Variants in RNF220 observed in about 807,000 individuals in gnomAD.
The protein encoded by RNF220 is E3 ubiquitin-protein ligase RNF220.
In RNF220, 7 loss-of-function variants were observed where a neutral mutation model predicts 67.1. The ratio of observed to expected loss-of-function variants is 0.10; its 90% CI spans 0.06 to 0.20. The LOEUF is 0.20. Among genes scored for constraint, RNF220 ranks in the 10% least tolerant of loss-of-function variants. The probability of loss-of-function intolerance (pLI) is 1.00; values close to 1 mark genes in which losing one functional copy is unlikely to be tolerated. For missense variants in RNF220, 565 were observed against 740.3 expected (o/e 0.76, Z 2.75); for synonymous variants, 270 against 283.2 (o/e 0.95, Z 0.47).
Position 44,594,381 on chromosome 1 carries a change from C to T in RNF220, c.626-19784C>T, listed in dbSNP as rs148836288. 5.9e-5 allele frequency among the ~76,000 whole-genome samples: 9 copies of T among 152,312 alleles called. No individual in the cohort carries two copies. The East Asian group carries it at 1.5e-3, about 26-fold the overall frequency. Reference sequence around the variant, plus strand: ...GGACATGCTTCCTCCCAGCCTTCCCCACGTCCCAGGAAGTGGAGCCCATCG... The same window carrying T: ...GGACATGCTTCCTCCCAGCCTTCCCTACGTCCCAGGAAGTGGAGCCCATCG... On this transcript the variant is annotated intron_variant, in intron 2 of 14. Coordinates refer to ENST00000361799, the MANE Select transcript of RNF220 (RefSeq NM_018150.4).
In RNF220 at chr1:44,622,055, G is replaced by T. The variant is rs1479263467; in HGVS notation, c.759-687G>T. Among the ~76,000 whole-genome samples, 2 of 152,192 alleles carry T rather than the reference G, an allele frequency of 1.3e-5. No individual in the cohort carries two copies. Among genetic ancestry groups the T allele is most frequent in the African/African-American group, 4.8e-5 (2 of 41,438 alleles). On this transcript the variant is annotated intron_variant, in intron 3 of 14. Coordinates refer to ENST00000361799, the MANE Select transcript of RNF220 (RefSeq NM_018150.4). The surrounding 1 kb of genome is among the most constrained non-coding windows in gnomAD (Gnocchi z 4.3). ...CCATTGTCAGCATCTGTTTAGCAGG[G>T]ATTTGTAATACTTTGTGGCTCTGGA... is the stretch of plus-strand genomic sequence containing the variant.
intron 2 of RNF220, among the ~76,000 whole-genome samples, chr1:44,532,117 T>C (rs1001733289): frequency 3.3e-5 from 5 of 152,208 alleles, no homozygotes. Context: ...GTACGCTCTT[T>C]ATGGTTTACA....
chr1:44,581,166 C>T (rs567757242), intron 2 of RNF220, among the ~76,000 whole-genome samples: 2 of 152,192 alleles, frequency 1.3e-5, no homozygotes, highest in African/African-American at 4.8e-5. Context: ...TCTCATCATA[C>T]GGACTCTGCA....
At chr1:44,411,155 CTT>C (rs913289316) in intron 1 of RNF220, among the ~76,000 whole-genome samples, 1 of 152,206 alleles carries the variant, frequency 6.6e-6, no homozygotes, top group African/African-American at 2.4e-5. Flanking sequence ...CCGATCTGTT[CTT>C]TGCTGCCCTT....
intron 2 of RNF220, among the ~76,000 whole-genome samples, chr1:44,569,297 A>T (rs1043329165): frequency 2.6e-5 from 4 of 152,208 alleles, no homozygotes; most frequent in Non-Finnish European, 5.9e-5. Context: ...AAATCGCCTC[A>T]TTCATAATTT....
chr1:44,616,480 C>T (rs191236312), intron 3 of RNF220, among the ~76,000 whole-genome samples: 25 of 152,230 alleles, frequency 1.6e-4, no homozygotes, highest in African/African-American at 5.1e-4. Flanking sequence ...AACTGAGGTG[C>T]AGAGGAGTTA....
chr1:44,415,500 G>GAT (rs10642792), intron 2 of RNF220, among the ~76,000 whole-genome samples: 125,737 of 149,860 alleles, frequency 0.84, 53,722 homozygotes, highest in Middle Eastern at 0.95. Context: ...ATATATGGTT[G>GAT]ATATACACAC....
chr1:44,501,689 ACTC>A (rs1657896739), intron 2 of RNF220, among the ~76,000 whole-genome samples: 1 of 151,778 alleles, frequency 6.6e-6, no homozygotes, highest in African/African-American at 2.4e-5. Context: ...CTCCGTTTCT[ACTC>A]CACCCAAGCA....
chr1:44,451,116 G>T (rs749050501), intron 2 of RNF220, among the ~76,000 whole-genome samples: 20 of 152,086 alleles, frequency 1.3e-4, no homozygotes, highest in South Asian at 4.2e-4. Context: ...CTGGGAGGTG[G>T]AGGTTGCAGT....
intron 2 of RNF220, among the ~76,000 whole-genome samples, chr1:44,609,683 C>T (rs569614054): frequency 2.0e-5 from 3 of 152,238 alleles, no homozygotes; most frequent in African/African-American, 7.2e-5. Flanking sequence ...TGTTTCGAGG[C>T]GAGAGGGCTG....
At chr1:44,490,054 C>G (rs1051921840) in intron 2 of RNF220, among the ~76,000 whole-genome samples, 19 of 152,110 alleles carry the variant, frequency 1.2e-4, no homozygotes, top group African/African-American at 3.9e-4. Flanking sequence ...ATAATTCTAT[C>G]TTTGAATTTC....
In RNF220 at chr1:44,624,978, C is replaced by T. The variant is rs1643896073; in HGVS notation, c.805-1319C>T. Among the ~76,000 whole-genome samples the T allele has an allele frequency of 6.6e-6, 1 of 151,764 alleles. No individual in the cohort carries two copies. Among genetic ancestry groups the T allele is most frequent in the Non-Finnish European group, 1.5e-5 (1 of 67,960 alleles). ...CAGTGACCTTTTTTTATTCCGCTTG[C>T]CCCAGGTGTAATGCCGAGGCCTCTC... On this transcript the variant is annotated intron_variant, in intron 4 of 14. Transcript: ENST00000361799. The surrounding 1 kb of genome is among the most constrained non-coding windows in gnomAD (Gnocchi z 4.2).
At chr1:44,623,513 C>CA (rs929004345) in intron 4 of RNF220, among the ~76,000 whole-genome samples, 8 of 152,354 alleles carry the variant, frequency 5.3e-5, no homozygotes, top group Admixed American at 4.6e-4. Flanking sequence ...TGGGGAGAAC[C>CA]AAACCCTCAC....
chr1:44,527,938 A>AAG (rs1553238393), intron 2 of RNF220, among the ~76,000 whole-genome samples: 4 of 109,768 alleles, frequency 3.6e-5, no homozygotes, highest in Non-Finnish European at 8.0e-5. Context: ...AAAAAAAAAA[A>AAG]AAAAAAAAAA....
At chr1:44,638,047 G>T (rs548886071) in intron 8 of RNF220, among the ~76,000 whole-genome samples, 7 of 152,220 alleles carry the variant, frequency 4.6e-5, no homozygotes, top group African/African-American at 1.7e-4. Context: ...CTCCTCAGTG[G>T]GGGGGCTATC....
At chr1:44,640,255 G>A (rs538923929) in intron 8 of RNF220, among the ~76,000 whole-genome samples, 4 of 152,264 alleles carry the variant, frequency 2.6e-5, no homozygotes, top group Non-Finnish European at 5.9e-5. Flanking sequence ...AGCCCCAGGT[G>A]CTAAAAATGT....
rs1667147126 is a variant in RNF220, at chr1:44,604,625, C to T, written c.626-9540C>T. Among the ~76,000 whole-genome samples, 4 of 152,374 alleles carry T rather than the reference C, an allele frequency of 2.6e-5. No homozygotes were observed. The South Asian group carries it at 8.3e-4, about 32-fold the overall frequency. The stretch of plus-strand genomic sequence containing the variant: ...GTGCCTTGGCCTGGAGCCTTTGGCT[C>T]CAGCTTGAGCCCAAGTCTGAGCCTA... On this transcript the variant is annotated intron_variant, in intron 2 of 14. Transcript: ENST00000361799.
rs944986851 is a variant in RNF220, at chr1:44,650,538, C to T, written c.1630-166C>T. 14 of 666,824 alleles carry T rather than the reference C, an allele frequency of 2.1e-5. No homozygotes were observed. The highest frequency in any genetic ancestry group is 3.2e-5 in the Non-Finnish European group (12 of 379,900). The allele number at this position is 666,824 out of a possible 1,614,324, so 41.3% of individuals were successfully genotyped here. A position where few individuals can be genotyped will look rare whatever the true frequency, so the allele number is the denominator to read the frequency against. ...TCCTGGCGTCCCCCCAACACAGGAG[C>T]GTGCCTGCCTGCTCACAGAAGCTGC... is the stretch of plus-strand genomic sequence containing the variant. On this transcript the variant is annotated intron_variant, in intron 14 of 14. Coordinates refer to ENST00000361799, the MANE Select transcript of RNF220 (RefSeq NM_018150.4). This position sits in a 1 kb window ranked among gnomAD's most constrained non-coding sequence, Gnocchi z 4.3.
intron 2 of RNF220, among the ~76,000 whole-genome samples, chr1:44,552,646 C>T (rs1421926271): frequency 7.3e-6 from 1 of 137,586 alleles, no homozygotes; most frequent in African/African-American, 2.6e-5. Context: ...TCTCGGCTCC[C>T]TGCAAGCTCC....
Sources: allele counts gnomAD v4.1 joint callset (sites outside exome capture counted in the v4.1 genomes callset), GRCh38; gene constraint gnomAD v4.1.1; non-coding constraint Gnocchi (gnomAD v3.1); transcripts MANE v1.5; gene names NCBI Gene and HGNC (gene_info 2026-07-23, HGNC 2026-07-21).